NBEA: variants seen among roughly 807,000 people sequenced by gnomAD.
The protein encoded by NBEA is lysosomal-trafficking regulator 2.
NBEA carries 44 observed loss-of-function variants against 343.4 expected under a neutral mutation model. The ratio of observed to expected loss-of-function variants is 0.13; its 90% confidence interval spans 0.10 to 0.16. The LOEUF (loss-of-function observed/expected upper bound fraction) is 0.16, where lower values mean the gene tolerates loss of function less well. NBEA is among the 10% of genes least tolerant of loss of function. The pLI, the probability that NBEA is intolerant of heterozygous loss-of-function variation, is 1.00. For synonymous variants in NBEA, 1,175 were observed against 1,238.7 expected (o/e 0.95, Z 1.08); for missense variants, 2,555 against 3,631.3 (o/e 0.70, Z 7.62).
At chr13:35,648,907 T>A (rs1394960915) in intron 51 of NBEA, among the ~76,000 whole-genome samples, 2 of 152,044 alleles carry the variant, frequency 1.3e-5, no homozygotes, top group Non-Finnish European at 2.9e-5. Flanking sequence ...ACAGCTAATG[T>A]ATGCAGGGCT....
At chr13:35,054,138 G>A (rs1566215347) in intron 6 of NBEA, among the ~76,000 whole-genome samples, 1 of 151,914 alleles carries the variant, frequency 6.6e-6, no homozygotes, top group African/African-American at 2.4e-5. Context: ...TTTCCTATAT[G>A]TAGGCATTTA....
At chr13:35,365,560 A>G (rs1178225139) in intron 38 of NBEA, among the ~76,000 whole-genome samples, 2 of 151,728 alleles carry the variant, frequency 1.3e-5, no homozygotes, top group Admixed American at 6.6e-5. Flanking sequence ...GTCAGATTCT[A>G]AGGCATTTTT....
chr13:35,356,344 A>T (rs549787052), intron 38 of NBEA, among the ~76,000 whole-genome samples: 1 of 152,308 alleles, frequency 6.6e-6, no homozygotes, highest in African/African-American at 2.4e-5. Flanking sequence ...TTCCTCAAAA[A>T]GACAGGAAAA....
At chr13:35,047,535 G>T (rs2062905500) in intron 4 of NBEA, among the ~76,000 whole-genome samples, 1 of 151,870 alleles carries the variant, frequency 6.6e-6, no homozygotes, top group South Asian at 2.1e-4. Context: ...GATTTTGTTA[G>T]AAGGAAGAAT....
intron 13 of NBEA, among the ~76,000 whole-genome samples, chr13:35,111,859 A>G (rs1052983235): frequency 1.3e-4 from 19 of 151,252 alleles, no homozygotes; most frequent in Non-Finnish European, 2.7e-4. Flanking sequence ...TCACAATAGC[A>G]TTGAATATTA....
At chr13:35,574,756 G>T (rs1043315012) in intron 45 of NBEA, among the ~76,000 whole-genome samples, 1 of 144,390 alleles carries the variant, frequency 6.9e-6, no homozygotes, top group Non-Finnish European at 1.5e-5. Flanking sequence ...AGTGCCAATA[G>T]ATTTTTTTTT....
intron 1 of NBEA, among the ~76,000 whole-genome samples, chr13:35,005,088 A>G (rs1207892955): frequency 6.6e-6 from 1 of 152,124 alleles, no homozygotes; most frequent in African/African-American, 2.4e-5. Flanking sequence ...GGTAAACTGT[A>G]TTTGGGCAGA....
intron 35 of NBEA, among the ~76,000 whole-genome samples, chr13:35,302,691 A>C (rs2036632855): frequency 6.6e-6 from 1 of 152,216 alleles, no homozygotes; most frequent in Non-Finnish European, 1.5e-5. Flanking sequence ...ATTTTTATAC[A>C]TAAGGATTTT....
intron 39 of NBEA, among the ~76,000 whole-genome samples, chr13:35,450,672 C>T (rs1234504812): frequency 2.4e-4 from 36 of 152,176 alleles, no homozygotes; most frequent in Admixed American, 2.4e-3. Flanking sequence ...TATAATACAA[C>T]ACCATATAGG....
At chr13:34,962,098 A>C (rs1350798640) in intron 1 of NBEA, among the ~76,000 whole-genome samples, 1 of 152,060 alleles carries the variant, frequency 6.6e-6, no homozygotes, top group Non-Finnish European at 1.5e-5. Flanking sequence ...GCTAATAGAA[A>C]GTTTGAAGTT....
intron 1 of NBEA, among the ~76,000 whole-genome samples, chr13:34,981,744 T>C (rs75618051): frequency 6.6e-6 from 1 of 151,916 alleles, no homozygotes; most frequent in Non-Finnish European, 1.5e-5. Flanking sequence ...TTTTTTTTTT[T>C]TATAATGGGG....
At chr13:35,287,033 T>C (rs2035470557) in intron 34 of NBEA, among the ~76,000 whole-genome samples, 1 of 151,996 alleles carries the variant, frequency 6.6e-6, no homozygotes, top group Non-Finnish European at 1.5e-5. Flanking sequence ...AACAATATAG[T>C]TCATAATATA....
At chr13:34,996,069 T>C (rs1164761712) in intron 1 of NBEA, among the ~76,000 whole-genome samples, 1 of 152,166 alleles carries the variant, frequency 6.6e-6, no homozygotes, top group Non-Finnish European at 1.5e-5. Flanking sequence ...ACAATACTAA[T>C]TTGAAATTGT....
intron 49 of NBEA, among the ~76,000 whole-genome samples, chr13:35,636,827 T>C (rs79585357): frequency 0.081 from 12,270 of 152,266 alleles, 624 homozygotes; most frequent in African/African-American, 0.14. Flanking sequence ...GAAGAATCCT[T>C]AAGCGATCAT....
intron 1 of NBEA, among the ~76,000 whole-genome samples, chr13:35,009,869 G>A (rs1332244233): frequency 1.3e-5 from 2 of 152,120 alleles, no homozygotes; most frequent in South Asian, 2.1e-4. Context: ...TATTTTGAAG[G>A]TACAGACAAC....
intron 34 of NBEA, among the ~76,000 whole-genome samples, chr13:35,274,734 A>T (rs1594038535): frequency 6.6e-6 from 1 of 152,318 alleles, no homozygotes; most frequent in South Asian, 2.1e-4. Flanking sequence ...GAGCCAAATT[A>T]TGAGTGAATT....
At chr13:35,253,122 A>G (rs895388739) in intron 34 of NBEA, among the ~76,000 whole-genome samples, 12 of 152,200 alleles carry the variant, frequency 7.9e-5, no homozygotes, top group Non-Finnish European at 1.6e-4. Context: ...GGAAGAAAAC[A>G]AATGTGTGTA....
intron 34 of NBEA, among the ~76,000 whole-genome samples, chr13:35,277,648 A>AG (rs71078088): frequency 7.8e-6 from 1 of 128,762 alleles, no homozygotes; most frequent in African/African-American, 2.7e-5. Flanking sequence ...AAAAAAAAAA[A>AG]GTGGGGGAAA....
At chr13:35,633,894 A>C (rs896127254) in intron 49 of NBEA, among the ~76,000 whole-genome samples, 1 of 152,188 alleles carries the variant, frequency 6.6e-6, no homozygotes, top group African/African-American at 2.4e-5. Flanking sequence ...TTATTTAGTA[A>C]AAAGAAGCAG....
Sources: allele counts gnomAD v4.1 joint callset (sites outside exome capture counted in the v4.1 genomes callset), GRCh38; gene constraint gnomAD v4.1.1; transcripts MANE v1.5; gene names NCBI Gene and HGNC (gene_info 2026-07-23, HGNC 2026-07-21).